CADPS2: variants seen among roughly 807,000 people sequenced by gnomAD.
CADPS2 encodes calcium dependent secretion activator 2, also known as calcium-dependent secretion activator 2.
Under a neutral mutation model 172.5 loss-of-function variants are expected in CADPS2, and 93 were observed. The ratio of observed to expected loss-of-function variants is 0.54; its 90% CI spans 0.46 to 0.64. The LOEUF (loss-of-function observed/expected upper bound fraction) is 0.64. CADPS2 is among the 30% of genes least tolerant of loss of function. The probability of loss-of-function intolerance (pLI) is 0.00; values close to 1 mark genes in which losing one functional copy is unlikely to be tolerated. For synonymous variants in CADPS2, 546 were observed against 555.2 expected (o/e 0.98, Z 0.23); for missense variants, 1,420 against 1,565.9 (o/e 0.91, Z 1.57).
intron 8 of CADPS2, among the ~76,000 whole-genome samples, chr7:122,527,702 C>T (rs1336147769): frequency 6.7e-6 from 1 of 149,936 alleles, no homozygotes; most frequent in South Asian, 2.1e-4. Context: ...TATTATGACA[C>T]GTATTTTCCC....
chr7:122,840,458 A>G (rs967110970), intron 1 of CADPS2, among the ~76,000 whole-genome samples: 4 of 152,156 alleles, frequency 2.6e-5, no homozygotes, highest in African/African-American at 4.8e-5. Context: ...GCACACAAAC[A>G]TGAAATCAGA....
intron 1 of CADPS2, among the ~76,000 whole-genome samples, chr7:122,748,242 C>A (rs909238291): frequency 5.3e-5 from 8 of 152,060 alleles, no homozygotes; most frequent in Non-Finnish European, 1.2e-4. Flanking sequence ...TGTATGTTGT[C>A]CAAATAATAA....
chr7:122,699,659 C>A (rs1363648810), intron 2 of CADPS2, among the ~76,000 whole-genome samples: 1 of 152,124 alleles, frequency 6.6e-6, no homozygotes, highest in East Asian at 1.9e-4. Flanking sequence ...GGATCCTGCT[C>A]AGTTTACTTC....
chr7:122,572,354 T>C (rs1186004213), intron 7 of CADPS2, among the ~76,000 whole-genome samples: 2 of 152,148 alleles, frequency 1.3e-5, no homozygotes, highest in Non-Finnish European at 2.9e-5. Flanking sequence ...TGAGACTTTA[T>C]AGTTTTATCT....
intron 1 of CADPS2, among the ~76,000 whole-genome samples, chr7:122,803,996 A>AC (rs1356593007): frequency 1.3e-5 from 2 of 150,736 alleles, no homozygotes; most frequent in African/African-American, 4.9e-5. Context: ...AAAAAAAAAA[A>AC]AACACTGCAA....
At chr7:122,563,504 T>A (rs2066013569) in intron 7 of CADPS2, among the ~76,000 whole-genome samples, 1 of 152,108 alleles carries the variant, frequency 6.6e-6, no homozygotes. Flanking sequence ...TAGAGGCAAA[T>A]CACTTCAAAT....
intron 2 of CADPS2, among the ~76,000 whole-genome samples, chr7:122,679,046 T>A (rs1241992867): frequency 6.6e-6 from 1 of 152,142 alleles, no homozygotes; most frequent in African/African-American, 2.4e-5. Flanking sequence ...TCGTAAAGCA[T>A]GTGCGTTTGA....
Position 122,319,977 on chromosome 7 carries a change from A to T in CADPS2, c.*188T>A. The T allele has an allele frequency of 2.0e-6, 1 of 493,384 alleles. No homozygotes were observed. The highest frequency in any genetic ancestry group is 3.3e-6 in the Non-Finnish European group (1 of 306,220). The allele number at this position is 493,384 out of a possible 1,614,324, so 30.6% of individuals were successfully genotyped here. On this transcript the variant is annotated 3_prime_UTR_variant, in exon 30 of 30. Coordinates refer to ENST00000449022, the MANE Select transcript of CADPS2 (RefSeq NM_017954.11). Reference sequence around the variant, plus strand: ...AACAAACAAACAAACAAACAAAAAAAGGAAACAAAAAAACCCCAAAATCTT... The same window carrying T: ...AACAAACAAACAAACAAACAAAAAATGGAAACAAAAAAACCCCAAAATCTT...
At chr7:122,356,011 T>G (rs2039352435) in intron 27 of CADPS2, among the ~76,000 whole-genome samples, 1 of 152,226 alleles carries the variant, frequency 6.6e-6, no homozygotes, top group African/African-American at 2.4e-5. Context: ...CAATTTCCCC[T>G]ATTATTATCA....
At chr7:122,866,544 T>C (rs1051203826) in intron 1 of CADPS2, among the ~76,000 whole-genome samples, 2 of 152,142 alleles carry the variant, frequency 1.3e-5, no homozygotes, top group African/African-American at 4.8e-5. Flanking sequence ...CTACTAAAAA[T>C]ACAAAAATTA....
intron 1 of CADPS2, among the ~76,000 whole-genome samples, chr7:122,880,736 T>A (rs1354876135): frequency 6.6e-6 from 1 of 152,182 alleles, no homozygotes; most frequent in South Asian, 2.1e-4. Flanking sequence ...AAGATAAGAA[T>A]CGCACTTCTT....
At chr7:122,784,876 T>C (rs1793649561) in intron 1 of CADPS2, among the ~76,000 whole-genome samples, 1 of 152,190 alleles carries the variant, frequency 6.6e-6, no homozygotes, top group Admixed American at 6.5e-5. Context: ...GTCAAGAATA[T>C]TGTCTATTAT....
At chr7:122,606,284 G>C (rs6956116) in intron 6 of CADPS2, among the ~76,000 whole-genome samples, 1 of 151,912 alleles carries the variant, frequency 6.6e-6, no homozygotes, top group Non-Finnish European at 1.5e-5. Context: ...GACTGTGAAA[G>C]GCAGGCTGAG....
chr7:122,656,279 G>A (rs562956812), intron 3 of CADPS2, among the ~76,000 whole-genome samples: 8 of 152,232 alleles, frequency 5.3e-5, no homozygotes, highest in Non-Finnish European at 7.4e-5. Flanking sequence ...AGAAAAAAGG[G>A]GGAGAAAGCC....
intron 1 of CADPS2, among the ~76,000 whole-genome samples, chr7:122,835,040 G>T (rs900750405): frequency 2.0e-5 from 3 of 152,154 alleles, no homozygotes; most frequent in East Asian, 3.9e-4. Flanking sequence ...CCCCCAGGAG[G>T]GACAGACAGA....
chr7:122,822,992 C>T (rs542279625), intron 1 of CADPS2, among the ~76,000 whole-genome samples: 16 of 152,128 alleles, frequency 1.1e-4, no homozygotes, highest in Admixed American at 2.6e-4. Context: ...CACATGGACA[C>T]GCATGAAAAT....
intron 11 of CADPS2, among the ~76,000 whole-genome samples, chr7:122,482,779 T>C (rs1166546711): frequency 3.3e-5 from 5 of 152,034 alleles, no homozygotes; most frequent in African/African-American, 1.2e-4. Flanking sequence ...AGAAGGGTGA[T>C]AGTAACTAGA....
chr7:122,795,938 C>T (rs1796285585), intron 1 of CADPS2, among the ~76,000 whole-genome samples: 1 of 152,152 alleles, frequency 6.6e-6, no homozygotes, highest in South Asian at 2.1e-4. Context: ...TTGCAGACAA[C>T]ATGATCCTAT....
intron 1 of CADPS2, among the ~76,000 whole-genome samples, chr7:122,750,352 A>G (rs575622172): frequency 1.0e-3 from 152 of 152,296 alleles, no homozygotes; most frequent in African/African-American, 3.3e-3. Flanking sequence ...GATATATACT[A>G]AAAAGAATCC....
Sources: allele counts gnomAD v4.1 joint callset (sites outside exome capture counted in the v4.1 genomes callset), GRCh38; gene constraint gnomAD v4.1.1; transcripts MANE v1.5; gene names NCBI Gene and HGNC (gene_info 2026-07-23, HGNC 2026-07-21).